The following UGT1A8 variants were observed in gnomAD, a reference collection of about 807,000 sequenced individuals.
UGT1A8 encodes UDP-glucuronosyltransferase 1A8.
UGT1A8 carries 39 observed loss-of-function variants against 45.3 expected under a neutral mutation model. That is an observed-to-expected ratio of 0.86 (90% CI 0.67 to 1.12). UGT1A8 has a LOEUF of 1.12. Ranked by LOEUF, UGT1A8 falls within the 50% of genes most tolerant of loss-of-function variation. The probability of loss-of-function intolerance (pLI) is 0.00; values close to 1 mark genes in which losing one functional copy is unlikely to be tolerated. For synonymous variants in UGT1A8, 275 were observed against 249.2 expected (o/e 1.10, Z -0.97); for missense variants, 719 against 664.9 (o/e 1.08, Z -0.90).
chr2:233,709,142 T>C (rs1251682483), intron 1 of UGT1A8, among the ~76,000 whole-genome samples: 1 of 152,118 alleles, frequency 6.6e-6, no homozygotes, highest in Non-Finnish European at 1.5e-5. Context: ...GGATGAGACG[T>C]GCTGATTGGT....
intron 1 of UGT1A8, chr2:233,742,665 A>C (rs1692062657): frequency 6.6e-6 from 1 of 152,140 alleles, no homozygotes; most frequent in Non-Finnish European, 1.5e-5. Flanking sequence ...ATGTAACCCC[A>C]AGGTTTGTCC....
chr2:233,754,897 C>T (rs779851030), intron 1 of UGT1A8: 5 of 1,351,174 alleles, frequency 3.7e-6, no homozygotes, highest in Non-Finnish European at 5.0e-6. Context: ...TTCCTCTGAC[C>T]CCCCAAAATA....
rs879478240 is a variant in UGT1A8 at position 233,725,179 on chromosome 2, GAGAGGC to G, written c.856-41819_856-41814del. Among the ~76,000 whole-genome samples the G allele has an allele frequency of 4.9e-3, 330 of 67,596 alleles. 71 individuals are homozygous for G. The highest frequency in any genetic ancestry group is 0.014 in the Middle Eastern group (2 of 144). 44.3% of individuals were successfully genotyped at this position (67,596 alleles called of 152,430 possible). On this transcript the variant is annotated intron_variant, in intron 1 of 4. Transcript: ENST00000373450. Reference sequence around the variant, plus strand: ...CTCTGCATGAGAGGGAGACCGTGGGGAGAGGCAGAGGCAGAGGCAGAGGCAGAGGCA... The same window carrying G: ...CTCTGCATGAGAGGGAGACCGTGGGGAGAGGCAGAGGCAGAGGCAGAGGCA...
chr2:233,750,414 G>GC (rs765395041), intron 1 of UGT1A8, among the ~76,000 whole-genome samples: 4 of 151,922 alleles, frequency 2.6e-5, no homozygotes, highest in Non-Finnish European at 5.9e-5. Flanking sequence ...CCATGTGGTA[G>GC]AAAAGAAAAA....
At chr2:233,636,769 C>T (rs1295115652) in intron 1 of UGT1A8, 1 of 1,614,090 alleles carries the variant, frequency 6.2e-7, no homozygotes, top group Non-Finnish European at 8.5e-7. Context: ...CTCGTACACT[C>T]TGGAAGATCA....
At chr2:233,761,312 C>T (rs1697739836) in intron 1 of UGT1A8, among the ~76,000 whole-genome samples, 2 of 152,232 alleles carry the variant, frequency 1.3e-5, no homozygotes, top group Non-Finnish European at 2.9e-5. Flanking sequence ...CTGTCTTTGG[C>T]ATCATCTTCT....
At chr2:233,644,301 C>T (rs561056806) in intron 1 of UGT1A8, among the ~76,000 whole-genome samples, 1 of 152,304 alleles carries the variant, frequency 6.6e-6, no homozygotes, top group Admixed American at 6.5e-5. Context: ...GGCACGGTGG[C>T]TCATGCCTGT....
intron 1 of UGT1A8, among the ~76,000 whole-genome samples, chr2:233,756,735 C>T (rs1015618945): frequency 7.9e-5 from 12 of 152,180 alleles, no homozygotes; most frequent in African/African-American, 2.6e-4. Context: ...GTTCTCTTCA[C>T]CTCCTCCTTA....
intron 1 of UGT1A8, among the ~76,000 whole-genome samples, chr2:233,726,421 T>C (rs1301909169): frequency 6.6e-6 from 1 of 152,226 alleles, no homozygotes; most frequent in African/African-American, 2.4e-5. Context: ...TCTGATTCTG[T>C]CCACTCTTAA....
intron 1 of UGT1A8, among the ~76,000 whole-genome samples, chr2:233,722,586 G>A (rs1347129726): frequency 6.6e-6 from 1 of 152,110 alleles, no homozygotes; most frequent in Non-Finnish European, 1.5e-5. Flanking sequence ...CTTCGTTAGA[G>A]GACTATTACA....
chr2:233,651,141 AGGC>A (rs2073729387), intron 1 of UGT1A8, among the ~76,000 whole-genome samples: 1 of 152,170 alleles, frequency 6.6e-6, no homozygotes, highest in Non-Finnish European at 1.5e-5. Flanking sequence ...AGCCTCTACA[AGGC>A]TAGACTTTTC....
At chr2:233,724,269 C>T (rs1414363673) in intron 1 of UGT1A8, among the ~76,000 whole-genome samples, 11 of 124,848 alleles carry the variant, frequency 8.8e-5, no homozygotes, top group South Asian at 3.1e-4. Context: ...CCGGACGGGG[C>T]GGCTGGCCGG....
chr2:233,686,779 C>T (rs989054670), intron 1 of UGT1A8, among the ~76,000 whole-genome samples: 1 of 152,154 alleles, frequency 6.6e-6, no homozygotes. Flanking sequence ...AACACTCCAA[C>T]TCTCCTCTTT....
chr2:233,757,535 A>AATATAT (rs67292694), intron 1 of UGT1A8, among the ~76,000 whole-genome samples: 2,323 of 88,244 alleles, frequency 0.026, 162 homozygotes, highest in African/African-American at 0.078. Context: ...GCCTGTAAGG[A>AATATAT]ATATATATAT....
intron 1 of UGT1A8, chr2:233,747,116 T>G: frequency 6.9e-7 from 1 of 1,446,720 alleles, no homozygotes; most frequent in South Asian, 1.3e-5. Context: ...CATGATGATT[T>G]GCTAAGTGGC....
Position 233,772,828 on chromosome 2 carries a change from C to T in UGT1A8, c.*269C>T, listed in dbSNP as rs762669023. The stretch of plus-strand genomic sequence containing the variant: ...TTCAGAGGACGTGCAGACAGGCTGG[C>T]ATTCTAGATTACTTTTCTTACTCTG... On this transcript the variant is annotated 3_prime_UTR_variant, in exon 5 of 5. Coordinates refer to ENST00000373450, the MANE Select transcript of UGT1A8 (RefSeq NM_019076.5). 7.5e-5 allele frequency: 69 copies of T among 921,010 alleles called. No individual in the cohort carries two copies. The highest frequency in any genetic ancestry group is 9.8e-5 in the Non-Finnish European group (65 of 663,798). 57.1% of individuals were successfully genotyped at this position (921,010 alleles called of 1,614,324 possible).
At chr2:233,759,068 T>G (rs1168767781) in intron 1 of UGT1A8, among the ~76,000 whole-genome samples, 1 of 152,198 alleles carries the variant, frequency 6.6e-6, no homozygotes, top group African/African-American at 2.4e-5. Flanking sequence ...GAAAAGGAAT[T>G]TGGAAGAAAG....
chr2:233,740,012 T>A (rs1691282549), intron 1 of UGT1A8, among the ~76,000 whole-genome samples: 1 of 151,864 alleles, frequency 6.6e-6, no homozygotes, highest in African/African-American at 2.4e-5. Flanking sequence ...AAGTGAGTTC[T>A]CATGAGAGCT....
At chr2:233,658,303 G>A (rs978912783) in intron 1 of UGT1A8, among the ~76,000 whole-genome samples, 7 of 152,150 alleles carry the variant, frequency 4.6e-5, no homozygotes, top group Non-Finnish European at 7.4e-5. Context: ...ACAGGTGTGA[G>A]CAATGGCACC....
Sources: allele counts gnomAD v4.1 joint callset (sites outside exome capture counted in the v4.1 genomes callset), GRCh38; gene constraint gnomAD v4.1.1; transcripts MANE v1.5; gene names NCBI Gene and HGNC (gene_info 2026-07-23, HGNC 2026-07-21).